ZFP64: variants seen among roughly 807,000 people sequenced by gnomAD.
ZFP64 encodes zinc finger protein 64.
A neutral mutation model predicts 51.6 loss-of-function variants in ZFP64; 14 were observed. The ratio of observed to expected loss-of-function variants is 0.27; its 90% CI spans 0.18 to 0.42. The LOEUF (loss-of-function observed/expected upper bound fraction) is 0.42, where lower values mean the gene tolerates loss of function less well. Among genes scored for constraint, ZFP64 ranks in the 10% least tolerant of loss-of-function variants. ZFP64 has a pLI of 1.00. For synonymous variants in ZFP64, 375 were observed against 361.4 expected, an observed-to-expected ratio of 1.04 and a Z score of -0.43; for missense variants, 754 against 906.8, an observed-to-expected ratio of 0.83 and a Z score of 2.16.
chr20:52,096,006 C>G (rs939316105), intron 7 of ZFP64, among the ~76,000 whole-genome samples: 4 of 152,212 alleles, frequency 2.6e-5, no homozygotes, highest in African/African-American at 9.7e-5. Flanking sequence ...AGCCTGTCTT[C>G]CAAGGTGAAG....
chr20:52,149,881 TG>T (rs1466197265), downstream of ZFP64, among the ~76,000 whole-genome samples: 1 of 152,008 alleles, frequency 6.6e-6, no homozygotes, highest in Non-Finnish European at 1.5e-5. Flanking sequence ...ACTTCATAAC[TG>T]GAGTAGAAAA....
rs916415573 is a variant in ZFP64 at position 52,117,597 on chromosome 20, C to T, written c.764-19010G>A. ...TCGCGCCATTGCACTCTAGCCTGGGCGACAGAGCGAAACTCTGTCTCAAAA... is the reference window on the plus strand; with the variant it reads ...TCGCGCCATTGCACTCTAGCCTGGGTGACAGAGCGAAACTCTGTCTCAAAA... On this transcript the variant is annotated intron_variant, in intron 5 of 8. Coordinates refer to the ZFP64 transcript ENST00000361387. The T allele has an allele frequency of 1.8e-4, 80 of 453,686 alleles. 1 individual carries two copies. The Middle Eastern group carries it at 2.0e-3, about 11-fold the overall frequency. 28.1% of individuals were successfully genotyped at this position (453,686 alleles called of 1,614,324 possible). A position where few individuals can be genotyped will look rare whatever the true frequency, so the allele number is the denominator to read the frequency against.
intron 7 of ZFP64, among the ~76,000 whole-genome samples, chr20:52,093,417 G>A (rs1307956067): frequency 6.6e-6 from 1 of 152,252 alleles, no homozygotes; most frequent in Non-Finnish European, 1.5e-5. Context: ...TGGGATTACA[G>A]GCGTGAGCCA....
At chr20:52,173,347 G>C (rs1159669311) in intron 2 of ZFP64, among the ~76,000 whole-genome samples, 1 of 152,202 alleles carries the variant, frequency 6.6e-6, no homozygotes, top group Non-Finnish European at 1.5e-5. Flanking sequence ...AGCAATTTGG[G>C]AGGCTGAGGC....
intron 5 of ZFP64, among the ~76,000 whole-genome samples, chr20:52,120,514 T>C (rs1341086207): frequency 6.6e-6 from 1 of 151,910 alleles, no homozygotes; most frequent in East Asian, 1.9e-4. Flanking sequence ...TTTTTACAAG[T>C]TGAAGGTTTG....
chr20:52,146,073 A>C (rs988866097), intron 5 of ZFP64, among the ~76,000 whole-genome samples: 37 of 151,540 alleles, frequency 2.4e-4, no homozygotes, highest in African/African-American at 9.0e-4. Flanking sequence ...TTACTTTTTC[A>C]ACTTAAAAAA....
chr20:52,172,421 G>A (rs1013807843), intron 2 of ZFP64, among the ~76,000 whole-genome samples: 9 of 151,998 alleles, frequency 5.9e-5, no homozygotes, highest in African/African-American at 2.2e-4. Context: ...CTGCAAGTCG[G>A]GCACACTGCA....
At position 52,142,384 on chromosome 20, in the gene ZFP64, A is replaced by ACACACACACACGCG. The variant is rs1555804634; in HGVS notation, c.763+17738_763+17739insCGCGTGTGTGTGTG. ...CTTCATCACACACACACAGACACAC[A>ACACACACACACGCG]CACACACACACACACACACACACAC... On this transcript the variant is annotated intron_variant, in intron 5 of 8. Coordinates refer to the ZFP64 transcript ENST00000361387. 5.7e-5 allele frequency among the ~76,000 whole-genome samples: 6 copies of ACACACACACACGCG among 104,776 alleles called. No individual in the cohort carries two copies. The East Asian group carries it at 1.5e-3, about 26-fold the overall frequency. The allele number at this position is 104,776 out of a possible 152,430, so 68.7% of individuals were successfully genotyped here. A position where few individuals can be genotyped will look rare whatever the true frequency, so the allele number is the denominator to read the frequency against.
intron 5 of ZFP64, among the ~76,000 whole-genome samples, chr20:52,107,754 C>T (rs1369871904): frequency 1.3e-5 from 2 of 152,224 alleles, no homozygotes; most frequent in Admixed American, 6.5e-5. Flanking sequence ...AGTTTCTTCA[C>T]CTACTCTCCT....
intron 5 of ZFP64, among the ~76,000 whole-genome samples, chr20:52,131,685 A>G (rs1979730278): frequency 6.6e-6 from 1 of 152,244 alleles, no homozygotes; most frequent in African/African-American, 2.4e-5. Context: ...TTTTAAATAT[A>G]TATGCATCCA....
At chr20:52,088,250 A>G (rs765727498) in intron 8 of ZFP64, 8 of 1,352,150 alleles carry the variant, frequency 5.9e-6, no homozygotes, top group African/African-American at 1.5e-5. Flanking sequence ...AAAAATGACA[A>G]ATCTCACAAT....
intron 5 of ZFP64, among the ~76,000 whole-genome samples, chr20:52,124,618 T>A (rs6096772): frequency 0.056 from 6,775 of 121,076 alleles, 529 homozygotes; most frequent in African/African-American, 0.19. Flanking sequence ...CTTTATTATT[T>A]TTTTTTTTTG....
intron 7 of ZFP64, among the ~76,000 whole-genome samples, chr20:52,089,658 C>G (rs2078901242): frequency 6.6e-6 from 1 of 151,208 alleles, no homozygotes; most frequent in South Asian, 2.1e-4. Context: ...GTGGGAAGAT[C>G]ACCTGAGCCC....
chr20:52,107,105 T>C (rs1314752855), intron 5 of ZFP64, among the ~76,000 whole-genome samples: 4 of 86,578 alleles, frequency 4.6e-5, no homozygotes, highest in Non-Finnish European at 9.7e-5. Flanking sequence ...AAAAAATATA[T>C]ATGTATATAT....
intron 5 of ZFP64, among the ~76,000 whole-genome samples, chr20:52,129,821 G>A (rs1416305659): frequency 2.0e-5 from 3 of 152,208 alleles, no homozygotes; most frequent in Admixed American, 6.5e-5. Flanking sequence ...CCAGGGGGCA[G>A]GGATCCTGCC....
intron 2 of ZFP64, among the ~76,000 whole-genome samples, chr20:52,167,600 T>TA (rs1434674909): frequency 6.6e-6 from 1 of 151,312 alleles, no homozygotes; most frequent in East Asian, 2.0e-4. Context: ...CTCTTTCTTT[T>TA]TCTGGTTCTT....
At chr20:52,101,128 G>A (rs976652699) in intron 5 of ZFP64, among the ~76,000 whole-genome samples, 3 of 152,162 alleles carry the variant, frequency 2.0e-5, no homozygotes, top group East Asian at 3.8e-4. Context: ...ATCCTATAGG[G>A]CATAGGACAG....
Position 52,153,403 on chromosome 20 carries a change from G to C in ZFP64, c.789C>G (p.Leu263=). The change falls in exon 6 of 6, where the codon CTC becomes CTG. Residue 263 remains leucine (L), a synonymous_variant. Coordinates refer to ENST00000216923, the MANE Select transcript of ZFP64 (RefSeq NM_018197.3). The surrounding 1 kb of genome is among the most constrained non-coding windows in gnomAD (Gnocchi z 5.1). ...HTGDAPFQCW[L]CSAKFKISSD... Reference sequence around the variant, plus strand: ...AGCTGATTTTGAACTTGGCGCTACAGAGCCAGCACTGGAAGGGGGCGTCCC... The same window carrying C: ...AGCTGATTTTGAACTTGGCGCTACACAGCCAGCACTGGAAGGGGGCGTCCC... The C allele has an allele frequency of 1.2e-6, 2 of 1,614,026 alleles. No individual in the cohort carries two copies. Among genetic ancestry groups the C allele is most frequent in the Non-Finnish European group, 1.7e-6 (2 of 1,179,914 alleles).
In ZFP64 at chr20:52,130,934, C is replaced by T. The variant is rs182809025; in HGVS notation, c.763+29189G>A. On this transcript the variant is annotated intron_variant, in intron 5 of 8. Transcript: ENST00000361387. ...ACAAAAAATTAGCCAGGCATTGTGG[C>T]GGGCGCCTGTAGTCCCAGCTACTCA... 4.2e-3 allele frequency among the ~76,000 whole-genome samples: 641 copies of T among 151,944 alleles called. 5 individuals carry two copies. Among genetic ancestry groups the T allele is most frequent in the African/African-American group, 0.015 (609 of 41,456 alleles).
Sources: allele counts gnomAD v4.1 joint callset (sites outside exome capture counted in the v4.1 genomes callset), GRCh38; gene constraint gnomAD v4.1.1; non-coding constraint Gnocchi (gnomAD v3.1); transcripts MANE v1.5; gene names NCBI Gene and HGNC (gene_info 2026-07-23, HGNC 2026-07-21).